Variants in GALNT6 observed in about 807,000 individuals in gnomAD.
The protein encoded by GALNT6 is polypeptide N-acetylgalactosaminyltransferase 6, also known as GalNAc transferase 6.
A neutral mutation model predicts 65.9 loss-of-function variants in GALNT6; 51 were observed. The observed-to-expected ratio is 0.77, with a 90% CI of 0.62 to 0.98. GALNT6 has a LOEUF of 0.98. Among genes scored for constraint, GALNT6 ranks in the 50% least tolerant of loss-of-function variants. The probability of loss-of-function intolerance (pLI) is 0.00; values close to 1 mark genes in which losing one functional copy is unlikely to be tolerated. For synonymous variants in GALNT6, 323 were observed against 315.1 expected (o/e 1.02, Z -0.26); for missense variants, 708 against 803.3 (o/e 0.88, Z 1.43).
At chr12:51,365,625 T>C (rs1156990850) in intron 4 of GALNT6, 46 bp from the exon 5 acceptor site, 1 of 1,588,254 alleles carries the variant, frequency 6.3e-7, no homozygotes, top group East Asian at 2.3e-5. Context: ...CTTTGCTGTA[T>C]ACCCAATCCC....
intron 2 of GALNT6, among the ~76,000 whole-genome samples, chr12:51,381,101 G>A (rs527363924): frequency 1.6e-4 from 24 of 152,220 alleles, no homozygotes; most frequent in South Asian, 8.3e-4. Context: ...TTAGCGAGGC[G>A]TAGTGGTGCA....
intron 2 of GALNT6, among the ~76,000 whole-genome samples, chr12:51,384,891 T>C (rs1019090259): frequency 6.6e-6 from 1 of 151,810 alleles, no homozygotes; most frequent in African/African-American, 2.4e-5. Flanking sequence ...TCTCAAAAAA[T>C]AAAAATAAAT....
chr12:51,354,562 G>A (rs887972197), intron 11 of GALNT6, 70 bp from the exon 12 acceptor site: 17 of 912,632 alleles, frequency 1.9e-5, no homozygotes, highest in South Asian at 6.6e-5. Flanking sequence ...GGGACAATGC[G>A]ATGGGGTGCA....
rs973288631 is a variant in GALNT6 at position 51,352,299 on chromosome 12, T to G, written c.*2080A>C. On this transcript the variant is annotated 3_prime_UTR_variant, in exon 12 of 12. Coordinates refer to ENST00000356317, the MANE Select transcript of GALNT6 (RefSeq NM_007210.4). ...AACTCTGCACACTCTTCCTGCCGCC[T>G]CAGGCTTTCCAGGACCCTCCCGAGC... 1 of 152,340 alleles carries G rather than the reference T, an allele frequency of 6.6e-6. No individual in the cohort carries two copies. Among genetic ancestry groups the G allele is most frequent in the Non-Finnish European group, 1.5e-5 (1 of 68,150 alleles). The allele number at this position is 152,340 out of a possible 1,614,324, so 9.4% of individuals were successfully genotyped here.
rs373677203 is a variant in GALNT6 at position 51,359,287 on chromosome 12, C to T, written c.1213G>A (p.Val405Ile). ...CTCTTGGTCCGGAACACATGGCCTA[C>T]GACAGAGCAGGGGATGATCTCCAGC... ...GQLEIIPCSV[V>I]GHVFRTKSPH... Residue 405 changes from valine (V) to isoleucine (I), a missense_variant, in exon 8 of 12, where the codon GTA becomes ATA. Transcript: ENST00000356317. The T allele has an allele frequency of 7.4e-6, 12 of 1,613,812 alleles. No individual in the cohort carries two copies. Among genetic ancestry groups the T allele is most frequent in the Admixed American group, 1.7e-5 (1 of 59,984 alleles).
At chr12:51,357,280 G>T (rs1019360555) in intron 10 of GALNT6, 69 bp downstream of exon 10, 2 of 1,004,474 alleles carry the variant, frequency 2.0e-6, no homozygotes, top group Non-Finnish European at 3.2e-6. Flanking sequence ...CTCAGGAAAG[G>T]ACTCTTTAGG....
intron 2 of GALNT6, among the ~76,000 whole-genome samples, chr12:51,385,793 A>G (rs1017587433): frequency 5.3e-5 from 8 of 152,088 alleles, no homozygotes; most frequent in African/African-American, 1.7e-4. Flanking sequence ...TATCACCTAC[A>G]AAGTCTAGCA....
chr12:51,364,145 C>T lies in GALNT6; in HGVS notation c.1025G>A (p.Arg342His), dbSNP rs369520587. ...ETLPPHEKQR[R>H]KDETYPIKSP... is the part of the protein sequence containing the mutation. Reference sequence around the variant, plus strand: ...CTTGATGGGGTAGGTTTCATCCTTGCGCCTCTGCTTCTCATGTGGAGGAAG... The same window carrying T: ...CTTGATGGGGTAGGTTTCATCCTTGTGCCTCTGCTTCTCATGTGGAGGAAG... Residue 342 changes from arginine (R) to histidine (H), a missense_variant, in exon 6 of 12, where the codon CGC becomes CAC. By Grantham distance (29) the Arg-to-His change is conservative. Coordinates refer to ENST00000356317, the MANE Select transcript of GALNT6 (RefSeq NM_007210.4). 37 of 1,613,924 alleles carry T rather than the reference C, an allele frequency of 2.3e-5. No individual in the cohort carries two copies. The highest frequency in any genetic ancestry group is 1.7e-4 in the African/African-American group (13 of 75,028).
rs1315789431 is a variant in GALNT6 at position 51,364,260 on chromosome 12, T to G, written c.910A>C (p.Asn304His). 1.2e-6 allele frequency: 2 copies of G among 1,613,994 alleles called. No individual in the cohort carries two copies. The highest frequency in any genetic ancestry group is 1.7e-6 in the Non-Finnish European group (2 of 1,180,008). The change falls in exon 6 of 12, where the codon AAT (asparagine) becomes CAT (histidine). Residue 304 changes from asparagine to histidine, a missense_variant. Transcript: ENST00000356317. ...VSPDIVTIDLNTFEFAKPVQR... is the reference protein window; with the variant it reads ...VSPDIVTIDLHTFEFAKPVQR... ...ACGGGCTTGGCGAACTCAAAAGTAT[T>G]AAGGTCGATGGTGACGATGTCTGGG...
chr12:51,358,880 CT>C (rs1946831269), intron 8 of GALNT6, among the ~76,000 whole-genome samples: 1 of 152,160 alleles, frequency 6.6e-6, no homozygotes, highest in Non-Finnish European at 1.5e-5. Flanking sequence ...GAGGCTTTTC[CT>C]CCAAATCTCC....
At chr12:51,364,404 A>G in intron 5 of GALNT6, 49 bp from the exon 6 acceptor site, 3 of 1,316,588 alleles carry the variant, frequency 2.3e-6, no homozygotes, top group South Asian at 1.2e-5. Flanking sequence ...CCCACAGCAG[A>G]GCCCAAGCTG....
intron 3 of GALNT6, among the ~76,000 whole-genome samples, chr12:51,378,206 G>A (rs765042250): frequency 6.6e-6 from 1 of 152,128 alleles, no homozygotes; most frequent in African/African-American, 2.4e-5. Context: ...TCAGGCTGGA[G>A]TGCAGTGGTA....
chr12:51,375,626 C>T (rs973930705), intron 4 of GALNT6, among the ~76,000 whole-genome samples: 1 of 150,726 alleles, frequency 6.6e-6, no homozygotes, highest in Non-Finnish European at 1.5e-5. Context: ...AACATGATCT[C>T]GGCTCACTGC....
At chr12:51,363,171 A>G (rs1487324891) in intron 6 of GALNT6, among the ~76,000 whole-genome samples, 1 of 152,254 alleles carries the variant, frequency 6.6e-6, no homozygotes, top group Non-Finnish European at 1.5e-5. Context: ...AGTCTAAGAT[A>G]ACAATGACAC....
At chr12:51,382,433 G>A (rs1281657781) in intron 2 of GALNT6, 16 of 153,032 alleles carry the variant, frequency 1.0e-4, no homozygotes, top group South Asian at 4.1e-4. Flanking sequence ...GAAATGGGCC[G>A]AACACTAACT....
intron 2 of GALNT6, among the ~76,000 whole-genome samples, chr12:51,388,330 T>C (rs1488660205): frequency 6.6e-6 from 1 of 152,232 alleles, no homozygotes; most frequent in Non-Finnish European, 1.5e-5. Context: ...GTATTCATAT[T>C]CCTTGAGCAC....
chr12:51,379,261 C>A (rs1358632134), intron 3 of GALNT6, 30 bp downstream of exon 3: 2 of 1,513,716 alleles, frequency 1.3e-6, no homozygotes, highest in Non-Finnish European at 1.8e-6. Flanking sequence ...AAGCCCTGGT[C>A]TCCCCACAAG....
intron 11 of GALNT6, 104 bp downstream of exon 11, chr12:51,355,702 C>T (rs1264881048): frequency 2.8e-6 from 3 of 1,052,668 alleles, no homozygotes; most frequent in Admixed American, 2.1e-5. Flanking sequence ...CTCCTGACCT[C>T]GTGATCTGCC....
At chr12:51,360,698 C>T (rs1415225378) in intron 7 of GALNT6, 23 bp downstream of exon 7, 4 of 1,401,452 alleles carry the variant, frequency 2.9e-6, no homozygotes, top group African/African-American at 1.4e-5. Context: ...TGTGGTTCCC[C>T]CCAAAGCCCT....
Sources: gnomAD v4.1 joint callset for allele counts (sites outside exome capture counted in the v4.1 genomes callset) on GRCh38, gnomAD v4.1.1 for gene constraint, MANE v1.5 for transcripts, NCBI Gene and HGNC (gene_info 2026-07-23, HGNC 2026-07-21) for gene names.